Variants in HIVEP3 observed in about 807,000 individuals in gnomAD.
HIVEP3 encodes HIVEP zinc finger 3, also known as transcription factor HIVEP3.
HIVEP3 carries 49 observed loss-of-function variants against 152.8 expected under a neutral mutation model. The ratio of observed to expected loss-of-function variants is 0.32; its 90% CI spans 0.26 to 0.41. The LOEUF (loss-of-function observed/expected upper bound fraction) is 0.41. HIVEP3 is among the 10% of genes least tolerant of loss of function. The pLI is 1.00. For synonymous variants in HIVEP3, 1,269 were observed against 1,289.0 expected, an observed-to-expected ratio of 0.98 and a Z score of 0.33; for missense variants, 2,790 against 3,103.3, an observed-to-expected ratio of 0.90 and a Z score of 2.40.
At chr1:41,805,650 G>A (rs1168935101) in intron 1 of HIVEP3, among the ~76,000 whole-genome samples, 3 of 152,226 alleles carry the variant, frequency 2.0e-5, no homozygotes, top group Admixed American at 6.5e-5. Flanking sequence ...CTGCATCCCA[G>A]GCAAGAGGAT....
chr1:41,858,404 G>T (rs902107587), intron 1 of HIVEP3, among the ~76,000 whole-genome samples: 5 of 152,204 alleles, frequency 3.3e-5, no homozygotes, highest in African/African-American at 1.2e-4. Context: ...GAAAAAGGAT[G>T]AGATGTGTGT....
rs1355349302 is a variant in HIVEP3, at chr1:41,584,340, G to A, written c.458C>T (p.Pro153Leu). Residue 153 changes from proline to leucine, a missense_variant, in exon 4 of 9, where the codon CCC (proline) becomes CTC (leucine). Pro to Leu is a moderately conservative substitution (Grantham distance 98, BLOSUM62 -3). This residue lies in a region of HIVEP3 where 209 missense variants were observed against 237.0 expected (regional missense o/e 0.88). Coordinates refer to ENST00000372583, the MANE Select transcript of HIVEP3 (RefSeq NM_024503.5). This position sits in a 1 kb window ranked among gnomAD's most constrained non-coding sequence, Gnocchi z 5.2. ...QLLPSHASIIPPEDLPGVPKV... is the reference protein window; with the variant it reads ...QLLPSHASIILPEDLPGVPKV... The stretch of plus-strand genomic sequence containing the variant: ...GGGGACTCCAGGAAGGTCCTCGGGG[G>A]GAATGATGGAAGCGTGGGAAGGAAG... 6.2e-7 allele frequency: 1 copy of A among 1,613,866 alleles called. No homozygotes were observed. The highest frequency in any genetic ancestry group is 1.1e-5 in the South Asian group (1 of 91,060).
Position 41,643,906 on chromosome 1 carries a change from T to TTTTTTTTTTTTTTTG in HIVEP3, c.-720-14960_-720-14959insCAAAAAAAAAAAAAA, listed in dbSNP as rs1553242264. On this transcript the variant is annotated intron_variant, in intron 2 of 8. Transcript: ENST00000372583. ...TCCCATCCTCTTTTTTTTTTTTTTT[T>TTTTTTTTTTTTTTTG]GACAGGGTCTGGCTCTGTTGCCTAG... Among the ~76,000 whole-genome samples the TTTTTTTTTTTTTTTG allele has an allele frequency of 3.8e-4, 55 of 143,674 alleles. 1 individual carries two copies. The highest frequency in any genetic ancestry group is 6.4e-4 in the East Asian group (3 of 4,668). 94.3% of individuals were successfully genotyped at this position (143,674 alleles called of 152,430 possible).
intron 2 of HIVEP3, among the ~76,000 whole-genome samples, chr1:41,639,205 G>A (rs779602693): frequency 1.3e-4 from 20 of 152,284 alleles, no homozygotes; most frequent in Middle Eastern, 3.4e-3. Flanking sequence ...CTAAGACATG[G>A]GTCACACATG....
intron 5 of HIVEP3, among the ~76,000 whole-genome samples, chr1:41,546,171 GCT>G (rs1643799103): frequency 6.6e-6 from 1 of 152,216 alleles, no homozygotes; most frequent in Non-Finnish European, 1.5e-5. Flanking sequence ...GCTGGAACAG[GCT>G]CAGTCCCTGG....
intron 1 of HIVEP3, among the ~76,000 whole-genome samples, chr1:41,958,763 G>A (rs1046400545): frequency 2.0e-5 from 3 of 152,174 alleles, no homozygotes; most frequent in African/African-American, 7.2e-5. Context: ...CACCCACTTT[G>A]CATGAAGAGA....
At chr1:41,622,219 A>G (rs1645056537) in intron 3 of HIVEP3, among the ~76,000 whole-genome samples, 1 of 152,194 alleles carries the variant, frequency 6.6e-6, no homozygotes, top group Admixed American at 6.5e-5. Flanking sequence ...AGACAGATGG[A>G]ACTTGCATAT....
At chr1:41,544,880 CACCTCT>C (rs1643671356) in intron 5 of HIVEP3, among the ~76,000 whole-genome samples, 1 of 109,888 alleles carries the variant, frequency 9.1e-6, no homozygotes, top group Non-Finnish European at 1.9e-5. Context: ...CCACCACTAC[CACCTCT>C]ACCACCACCA....
At chr1:41,701,427 G>A (rs1263737526) in intron 1 of HIVEP3, among the ~76,000 whole-genome samples, 8 of 152,212 alleles carry the variant, frequency 5.3e-5, no homozygotes, top group Non-Finnish European at 8.8e-5. Context: ...TTGGTATCAG[G>A]TCCTCATAGA....
chr1:41,900,606 T>C (rs1374692031), intron 1 of HIVEP3, among the ~76,000 whole-genome samples: 2 of 152,114 alleles, frequency 1.3e-5, no homozygotes, highest in Non-Finnish European at 2.9e-5. Context: ...CACCTAGATC[T>C]CTTCCAAATT....
intron 1 of HIVEP3, among the ~76,000 whole-genome samples, chr1:41,728,208 T>G (rs978983977): frequency 3.3e-5 from 5 of 152,182 alleles, no homozygotes; most frequent in African/African-American, 1.2e-4. Flanking sequence ...CTTGAGCAAG[T>G]GACTTGACCT....
intron 1 of HIVEP3, among the ~76,000 whole-genome samples, chr1:41,827,125 A>G (rs1436070407): frequency 1.3e-5 from 2 of 152,204 alleles, no homozygotes; most frequent in Non-Finnish European, 2.9e-5. Flanking sequence ...CCAGGGGACC[A>G]GGGGGCTGCT....
At chr1:41,783,557 C>T (rs547023815) in intron 1 of HIVEP3, among the ~76,000 whole-genome samples, 4 of 152,234 alleles carry the variant, frequency 2.6e-5, no homozygotes, top group Non-Finnish European at 5.9e-5. Context: ...GCTACCAGGG[C>T]CCTTCAGGAC....
At chr1:41,678,768 C>T (rs989635039) in intron 2 of HIVEP3, among the ~76,000 whole-genome samples, 1 of 152,232 alleles carries the variant, frequency 6.6e-6, no homozygotes, top group Non-Finnish European at 1.5e-5. Flanking sequence ...GCTCAGCATG[C>T]CCAGCCCTGC....
chr1:42,005,459 T>C (rs1371807767), intron 1 of HIVEP3, among the ~76,000 whole-genome samples: 1 of 152,186 alleles, frequency 6.6e-6, no homozygotes, highest in Non-Finnish European at 1.5e-5. Context: ...CACAGATATA[T>C]ATAATGAATA....
intron 1 of HIVEP3, among the ~76,000 whole-genome samples, chr1:41,711,955 C>G (rs577682186): frequency 6.6e-6 from 1 of 152,352 alleles, no homozygotes; most frequent in South Asian, 2.1e-4. Context: ...AACAGGGCAG[C>G]AAACACACCA....
Position 41,625,955 on chromosome 1 carries a change from A to G in HIVEP3, c.-522+2794T>C, listed in dbSNP as rs76524003. Reference sequence around the variant, plus strand: ...GCTTTTAAAAATAGCTTCTAAGACTATAAAAGTTTGAAAACTGCTCAAGTT... The same window carrying G: ...GCTTTTAAAAATAGCTTCTAAGACTGTAAAAGTTTGAAAACTGCTCAAGTT... On this transcript the variant is annotated intron_variant, in intron 3 of 8. Transcript: ENST00000372583. 4.6e-3 allele frequency among the ~76,000 whole-genome samples: 708 copies of G among 152,364 alleles called. 2 individuals are homozygous for G. Among genetic ancestry groups the G allele is most frequent in the African/African-American group, 0.016 (659 of 41,582 alleles).
intron 1 of HIVEP3, among the ~76,000 whole-genome samples, chr1:42,007,068 T>A (rs1327078278): frequency 1.3e-5 from 2 of 152,100 alleles, no homozygotes; most frequent in African/African-American, 2.4e-5. Flanking sequence ...CTAATCTGAG[T>A]TTTTCTGAGT....
At chr1:41,963,305 C>G (rs1472509680) in intron 1 of HIVEP3, among the ~76,000 whole-genome samples, 3 of 152,218 alleles carry the variant, frequency 2.0e-5, no homozygotes, top group Admixed American at 2.0e-4. Flanking sequence ...GCCACCGCGC[C>G]CGGCCAAAAG....
Sources: allele counts gnomAD v4.1 joint callset (sites outside exome capture counted in the v4.1 genomes callset), GRCh38; gene constraint gnomAD v4.1.1; regional missense constraint gnomAD v4.1.1; non-coding constraint Gnocchi (gnomAD v3.1); transcripts MANE v1.5; gene names NCBI Gene and HGNC (gene_info 2026-07-23, HGNC 2026-07-21).